CENPL: variants seen among roughly 807,000 people sequenced by gnomAD.
CENPL encodes the protein interphase centromere complex protein 33.
Under a neutral mutation model 35.2 loss-of-function variants are expected in CENPL, and 20 were observed. That is an observed-to-expected ratio of 0.57 (90% confidence interval 0.40 to 0.83). The LOEUF is 0.83. CENPL is among the 40% of genes least tolerant of loss of function. CENPL has a pLI of 0.00. For synonymous variants in CENPL, 140 were observed against 140.6 expected (o/e 1.00, Z 0.03); for missense variants, 363 against 395.8 (o/e 0.92, Z 0.70).
chr1:173,807,033 T>C (rs1430350612), intron 4 of CENPL, among the ~76,000 whole-genome samples: 2 of 152,164 alleles, frequency 1.3e-5, no homozygotes, highest in East Asian at 3.8e-4. Flanking sequence ...ATTTCAAGAC[T>C]ATATAGATAC....
At chr1:173,808,195 C>T (rs559085745) in intron 3 of CENPL, among the ~76,000 whole-genome samples, 296 of 152,046 alleles carry the variant, frequency 1.9e-3, no homozygotes, top group Non-Finnish European at 3.4e-3. Context: ...ATCACAAGGT[C>T]AGGAGTTTGA....
intron 2 of CENPL, among the ~76,000 whole-genome samples, chr1:173,816,972 T>C (rs1467111834): frequency 6.6e-6 from 1 of 152,086 alleles, no homozygotes; most frequent in Non-Finnish European, 1.5e-5. Context: ...ACACCATTTC[T>C]ACTAAAAATA....
intron 2 of CENPL, among the ~76,000 whole-genome samples, chr1:173,812,445 T>G (rs927389215): frequency 6.6e-6 from 1 of 152,190 alleles, no homozygotes; most frequent in Non-Finnish European, 1.5e-5. Context: ...CACAGGCAGG[T>G]GCCACTATGG....
intron 2 of CENPL, among the ~76,000 whole-genome samples, chr1:173,813,904 C>T (rs1651094485): frequency 6.6e-6 from 1 of 152,076 alleles, no homozygotes; most frequent in Admixed American, 6.6e-5. Flanking sequence ...AGTCAAGACC[C>T]ATCAGTGTGC....
chr1:173,815,031 A>C (rs1176091502), intron 2 of CENPL, among the ~76,000 whole-genome samples: 1 of 152,204 alleles, frequency 6.6e-6, no homozygotes, highest in African/African-American at 2.4e-5. Context: ...AGAAATACAA[A>C]CTACCATCAG....
chr1:173,805,635 T>A (rs1411150480), intron 4 of CENPL, among the ~76,000 whole-genome samples: 1 of 152,176 alleles, frequency 6.6e-6, no homozygotes, highest in African/African-American at 2.4e-5. Flanking sequence ...AGATTTACTC[T>A]GCATCAGGTT....
chr1:173,819,479 T>TA (rs1651730198), intron 2 of CENPL, among the ~76,000 whole-genome samples: 1 of 151,768 alleles, frequency 6.6e-6, no homozygotes, highest in Non-Finnish European at 1.5e-5. Context: ...TAGTCCCAGC[T>TA]ACTCAGGAGG....
At position 173,811,200 on chromosome 1, in the gene CENPL, C is replaced by T. The variant is rs147657848; in HGVS notation, c.100G>A (p.Val34Ile). The change falls in exon 3 of 6, where the codon GTC (valine) becomes ATC (isoleucine). Residue 34 changes from valine (V) to isoleucine (I), a missense_variant. Val to Ile is a conservative substitution (Grantham distance 29). Coordinates refer to ENST00000682279, the MANE Select transcript of CENPL (RefSeq NM_001387287.1). ...AGGATAAATGAACTCTGCTTCCTGA[C>T]CGATTCTAATCGTTTCTGCAGAGGA... ...ATPLQKRLES[V>I]RKQSSFILTP... is the part of the protein sequence containing the mutation. The T allele has an allele frequency of 7.0e-5, 113 of 1,613,986 alleles. No homozygotes were observed. In the African/African-American group the frequency reaches 1.1e-3, roughly 16 times the overall value.
intron 4 of CENPL, among the ~76,000 whole-genome samples, chr1:173,805,147 T>G (rs1392459573): frequency 1.3e-5 from 2 of 152,192 alleles, no homozygotes; most frequent in Non-Finnish European, 2.9e-5. Context: ...TCACAAAACT[T>G]CTCTGTGCAT....
At chr1:173,806,494 G>A (rs1193129441) in intron 4 of CENPL, 3 of 443,592 alleles carry the variant, frequency 6.8e-6, no homozygotes, top group South Asian at 4.7e-5. Context: ...TAAGGTGGAA[G>A]GATCACTTGA....
intron 2 of CENPL, among the ~76,000 whole-genome samples, chr1:173,815,830 T>C (rs1403021358): frequency 6.6e-6 from 1 of 152,182 alleles, no homozygotes; most frequent in Non-Finnish European, 1.5e-5. Context: ...TTGGAAGTTC[T>C]GGCCAGGGCA....
chr1:173,814,678 A>G (rs993205351), intron 2 of CENPL, among the ~76,000 whole-genome samples: 1 of 152,254 alleles, frequency 6.6e-6, no homozygotes, highest in Admixed American at 6.5e-5. Context: ...GGACACATTT[A>G]AAGCAGTGTG....
Position 173,807,359 on chromosome 1 carries a change from C to A in CENPL, c.328G>T (p.Glu110Ter). The A allele has an allele frequency of 6.2e-7, 1 of 1,613,736 alleles. No individual in the cohort carries two copies. Among genetic ancestry groups the A allele is most frequent in the Admixed American group, 1.7e-5 (1 of 60,006 alleles). The stretch of plus-strand genomic sequence containing the variant: ...TTGATGTTGAAGTCTTCTCCCACTT[C>A]CACAGCAAGTCCTTTTTGCTTTTCA... Reference protein sequence around the residue: ...VAEKQKGLAVEVGEDFNIKVI... With the variant: ...VAEKQKGLAV The change falls in exon 4 of 6, where the codon GAA becomes TAA. Residue 110 changes from glutamate to a stop codon, truncating the protein, a stop_gained. Coordinates refer to ENST00000682279, the MANE Select transcript of CENPL (RefSeq NM_001387287.1). LOFTEE classifies it high-confidence loss of function.
intron 4 of CENPL, among the ~76,000 whole-genome samples, chr1:173,805,769 GAGA>G (rs1650170246): frequency 6.6e-6 from 1 of 152,062 alleles, no homozygotes. Flanking sequence ...ATGCACTAAG[GAGA>G]AGAAAGAGCC....
At chr1:173,811,069 G>T in intron 3 of CENPL, 63 bp downstream of exon 3, 1 of 1,461,850 alleles carries the variant, frequency 6.8e-7, no homozygotes, top group Non-Finnish European at 9.4e-7. Flanking sequence ...TACAAAAATT[G>T]AAATGTTTTG....
rs113394933 is a variant in CENPL at position 173,817,706 on chromosome 1, A to G, written c.-8+6220T>C. Among the ~76,000 whole-genome samples, 1,415 of 152,272 alleles carry G rather than the reference A, an allele frequency of 9.3e-3. 21 individuals are homozygous for G. The highest frequency in any genetic ancestry group is 0.031 in the African/African-American group (1,287 of 41,548). On this transcript the variant is annotated intron_variant, in intron 2 of 5. Coordinates refer to ENST00000682279, the MANE Select transcript of CENPL (RefSeq NM_001387287.1). ...TGCTATTATAAAGACACATGCACAC[A>G]TATGTTTATTGCGGCACTATTCACA...
At chr1:173,802,226 G>C (rs1345662559) in intron 5 of CENPL, among the ~76,000 whole-genome samples, 2 of 150,790 alleles carry the variant, frequency 1.3e-5, no homozygotes, top group Non-Finnish European at 2.9e-5. Context: ...TTTCTTTTGA[G>C]ACGGAGTCTC....
chr1:173,811,383 C>T (rs2102588013), intron 2 of CENPL, 77 bp from the exon 3 acceptor site: 19 of 971,940 alleles, frequency 2.0e-5, no homozygotes, highest in East Asian at 4.9e-5. Flanking sequence ...TGATTCCTCA[C>T]TCTAAAGGAA....
rs192490481 is a variant in CENPL, at chr1:173,810,783, T to C, written c.168+349A>G. ...AAAAATACAAAAGATTAGCTGGGCA[T>C]GGTAGCGGGCGCCTGTAGTCCCAGC... is the stretch of plus-strand genomic sequence containing the variant. On this transcript the variant is annotated intron_variant, in intron 3 of 5. Coordinates refer to ENST00000682279, the MANE Select transcript of CENPL (RefSeq NM_001387287.1). Among the ~76,000 whole-genome samples, 15 of 152,072 alleles carry C rather than the reference T, an allele frequency of 9.9e-5. 1 individual carries two copies. The highest frequency in any genetic ancestry group is 9.2e-4 in the Admixed American group (14 of 15,274).
Sources: gnomAD v4.1 joint callset for allele counts (sites outside exome capture counted in the v4.1 genomes callset) on GRCh38, gnomAD v4.1.1 for gene constraint, MANE v1.5 for transcripts, NCBI Gene and HGNC (gene_info 2026-07-23, HGNC 2026-07-21) for gene names.